The following WNK2 variants were observed in gnomAD, a reference collection of about 807,000 sequenced individuals.
The protein encoded by WNK2 is WNK lysine deficient protein kinase 2.
In WNK2, 67 loss-of-function variants were observed where a neutral mutation model predicts 192.1. The ratio of observed to expected loss-of-function variants is 0.35; its 90% CI spans 0.29 to 0.43. WNK2 has a LOEUF of 0.43. WNK2 is among the 20% of genes least tolerant of loss of function. The pLI is 1.00. For missense variants in WNK2, 2,698 were observed against 3,089.7 expected, an observed-to-expected ratio of 0.87 and a Z score of 3.01; for synonymous variants, 1,439 against 1,393.9, an observed-to-expected ratio of 1.03 and a Z score of -0.72.
At chr9:93,308,965 G>A (rs973993926) in intron 28 of WNK2, 22 of 1,066,160 alleles carry the variant, frequency 2.1e-5, no homozygotes, top group Non-Finnish European at 2.5e-5. Flanking sequence ...TGGAGACCAG[G>A]GCAGGTGTGC....
chr9:93,310,307 G>A (rs183616697), intron 28 of WNK2, among the ~76,000 whole-genome samples: 87 of 152,292 alleles, frequency 5.7e-4, no homozygotes, highest in Admixed American at 1.1e-3. Flanking sequence ...TGCACCCGGA[G>A]CCTGGGCAGG....
At chr9:93,218,438 C>T (rs372053574) in intron 2 of WNK2, among the ~76,000 whole-genome samples, 80 of 152,272 alleles carry the variant, frequency 5.3e-4, no homozygotes, top group African/African-American at 1.8e-3. Context: ...CTGTGCCCGC[C>T]GGGCTCCCAG....
rs148855597 is a variant in WNK2 at position 93,303,140 on chromosome 9, G to A, written c.6214+2991G>A. Among the ~76,000 whole-genome samples, 4 of 152,296 alleles carry A rather than the reference G, an allele frequency of 2.6e-5. No individual in the cohort carries two copies. In the East Asian group the frequency reaches 7.7e-4, roughly 29 times the overall value. ...TCACCATGTTGCCTAGGCTGGTCTA[G>A]ACCTCCTGGGCTCAAGCAGTCCACC... On this transcript the variant is annotated intron_variant, in intron 26 of 29. Transcript: ENST00000427277.
At chr9:93,198,593 T>A (rs1022691718) in intron 2 of WNK2, among the ~76,000 whole-genome samples, 2 of 152,120 alleles carry the variant, frequency 1.3e-5, no homozygotes, top group Non-Finnish European at 2.9e-5. Flanking sequence ...CTGGGGAAGA[T>A]GACATGATGG....
chr9:93,234,679 G>A (rs1839504517), intron 4 of WNK2, 129 bp from the exon 5 acceptor site: 4 of 1,120,798 alleles, frequency 3.6e-6, no homozygotes, highest in African/African-American at 1.6e-5. Flanking sequence ...GGGTCCAGGT[G>A]TTCTGAGTGT....
At chr9:93,313,003 G>T (rs1296093630) in intron 28 of WNK2, among the ~76,000 whole-genome samples, 1 of 151,702 alleles carries the variant, frequency 6.6e-6, no homozygotes, top group Non-Finnish European at 1.5e-5. Context: ...TAGTGAATTT[G>T]TAAGTGTCAG....
At chr9:93,197,895 G>A (rs901350485) in intron 2 of WNK2, among the ~76,000 whole-genome samples, 7 of 152,148 alleles carry the variant, frequency 4.6e-5, no homozygotes, top group Admixed American at 2.6e-4. Flanking sequence ...GGTCAGATCC[G>A]GCTAGGCTGG....
chr9:93,186,054 G>A (rs866709231), intron 2 of WNK2, among the ~76,000 whole-genome samples: 2 of 152,154 alleles, frequency 1.3e-5, no homozygotes, highest in Non-Finnish European at 2.9e-5. Flanking sequence ...GAGTGTTTTG[G>A]GGGCTCTGGG....
intron 19 of WNK2, among the ~76,000 whole-genome samples, chr9:93,279,629 A>C (rs1847418982): frequency 6.6e-6 from 1 of 152,240 alleles, no homozygotes; most frequent in African/African-American, 2.4e-5. Flanking sequence ...GAACTAAATC[A>C]GAGAACTAAC....
intron 2 of WNK2, among the ~76,000 whole-genome samples, chr9:93,227,418 CA>C (rs1392125608): frequency 8.1e-5 from 12 of 148,238 alleles, no homozygotes; most frequent in African/African-American, 3.0e-4. Context: ...CGGCCGTATC[CA>C]TCTTTTAATT....
intron 12 of WNK2, among the ~76,000 whole-genome samples, chr9:93,261,120 G>A (rs1844159691): frequency 6.6e-6 from 1 of 152,188 alleles, no homozygotes; most frequent in Non-Finnish European, 1.5e-5. Flanking sequence ...GCTAGGCTGG[G>A]GCTTGGTATT....
rs1829079911 is a variant in WNK2 at position 93,185,251 on chromosome 9, CCCGGAGCCCCCGCGGACG to C, written c.327_344del (p.Ala110_Gly115del). ...AGCGCTGGTAGCGCAGCCGGGAGCC[CCCGGAGCCCCCGCGGACG>C]CCGGCCCCGAGCCCGTGGGCACGCA... On this transcript the variant is annotated inframe_deletion, in exon 2 of 30. Transcript: ENST00000427277. 2 of 1,259,732 alleles carry C rather than the reference CCCGGAGCCCCCGCGGACG, an allele frequency of 1.6e-6. No homozygotes were observed. Among genetic ancestry groups the C allele is most frequent in the Non-Finnish European group, 2.0e-6 (2 of 1,006,474 alleles). 78.0% of individuals were successfully genotyped at this position (1,259,732 alleles called of 1,614,324 possible).
At chr9:93,210,126 T>C (rs948539681) in intron 2 of WNK2, among the ~76,000 whole-genome samples, 5 of 152,162 alleles carry the variant, frequency 3.3e-5, no homozygotes, top group African/African-American at 1.2e-4. Flanking sequence ...CTGGTGTGGC[T>C]GATCTGCCGA....
intron 23 of WNK2, among the ~76,000 whole-genome samples, chr9:93,295,688 T>A (rs976879221): frequency 2.6e-5 from 4 of 151,540 alleles, no homozygotes; most frequent in African/African-American, 7.3e-5. Flanking sequence ...CCACTCCCCA[T>A]CCTCTCCTCT....
intron 2 of WNK2, among the ~76,000 whole-genome samples, chr9:93,188,030 T>C (rs1420100469): frequency 6.6e-6 from 1 of 152,172 alleles, no homozygotes; most frequent in Non-Finnish European, 1.5e-5. Flanking sequence ...GATGCCATCC[T>C]GCACATGACC....
chr9:93,281,854 G>A (rs1282288638), intron 19 of WNK2, among the ~76,000 whole-genome samples: 3 of 152,146 alleles, frequency 2.0e-5, no homozygotes, highest in African/African-American at 4.8e-5. Context: ...TGCTGTCCTC[G>A]CAGTGCTGAA....
Position 93,290,343 on chromosome 9 carries a change from T to G in WNK2, c.4936+296T>G, listed in dbSNP as rs932431546. ...AAGCTTCTTATGAGCTTTTTTTTTT[T>G]TTTCAATTTTTTAAAGCTCATCAGT... On this transcript the variant is annotated intron_variant, in intron 21 of 29. Transcript: ENST00000427277. Among the ~76,000 whole-genome samples, 35 of 152,278 alleles carry G rather than the reference T, an allele frequency of 2.3e-4. No homozygotes were observed. The South Asian group carries it at 6.8e-3, about 30-fold the overall frequency.
chr9:93,200,928 AAT>A (rs1832231518), intron 2 of WNK2, among the ~76,000 whole-genome samples: 1 of 152,232 alleles, frequency 6.6e-6, no homozygotes, highest in South Asian at 2.1e-4. Flanking sequence ...AAGATGAAAA[AAT>A]ATATGGAAAT....
intron 4 of WNK2, among the ~76,000 whole-genome samples, chr9:93,233,759 C>T (rs1011989962): frequency 3.6e-5 from 5 of 139,932 alleles, no homozygotes; most frequent in African/African-American, 1.3e-4. Context: ...GTAAACAAAA[C>T]GTGCTTTTAA....
Sources: gnomAD v4.1 joint callset for allele counts (sites outside exome capture counted in the v4.1 genomes callset) on GRCh38, gnomAD v4.1.1 for gene constraint, MANE v1.5 for transcripts, NCBI Gene and HGNC (gene_info 2026-07-23, HGNC 2026-07-21) for gene names.